PRKN: variants seen among roughly 807,000 people sequenced by gnomAD.
PRKN encodes parkin RBR E3 ubiquitin protein ligase, also known as E3 ubiquitin-protein ligase parkin.
Under a neutral mutation model 59.5 loss-of-function variants are expected in PRKN, and 56 were observed. The ratio of observed to expected loss-of-function variants is 0.94; its 90% confidence interval spans 0.76 to 1.18. The LOEUF (loss-of-function observed/expected upper bound fraction) is 1.18. Among genes scored for constraint, PRKN ranks in the 50% most tolerant of loss-of-function variants. The pLI is 0.00. For synonymous variants in PRKN, 250 were observed against 222.1 expected (o/e 1.13, Z -1.12); for missense variants, 657 against 596.4 (o/e 1.10, Z -1.06).
chr6:161,570,141 A>AT lies in PRKN; in HGVS notation c.872-726_872-725insA, dbSNP rs1226629765. Among the ~76,000 whole-genome samples, 185 of 134,348 alleles carry AT rather than the reference A, an allele frequency of 1.4e-3. 1 individual carries two copies. The highest frequency in any genetic ancestry group is 3.0e-3 in the African/African-American group (102 of 34,362). 88.1% of individuals were successfully genotyped at this position (134,348 alleles called of 152,430 possible). A position where few individuals can be genotyped will look rare whatever the true frequency, so the allele number is the denominator to read the frequency against. ...TAAATAGGTAAAAAAAAAAAAAAAAAAAAAAATATATATATATATATATAT... is the reference window on the plus strand; with the variant it reads ...TAAATAGGTAAAAAAAAAAAAAAAAATAAAAAATATATATATATATATATAT... On this transcript the variant is annotated intron_variant, in intron 7 of 11. Transcript: ENST00000366898.
At chr6:162,046,930 T>G (rs190944668) in intron 5 of PRKN, among the ~76,000 whole-genome samples, 2 of 152,178 alleles carry the variant, frequency 1.3e-5, no homozygotes, top group Admixed American at 1.3e-4. Context: ...AAATTTTTTG[T>G]TATCAAGTAT....
At chr6:161,802,790 C>T (rs563585230) in intron 6 of PRKN, among the ~76,000 whole-genome samples, 2 of 152,284 alleles carry the variant, frequency 1.3e-5, no homozygotes, top group African/African-American at 2.4e-5. Flanking sequence ...CCTCCCTGTT[C>T]CCCAGCCATT....
chr6:162,623,859 T>C (rs1782773756), intron 1 of PRKN, among the ~76,000 whole-genome samples: 1 of 152,106 alleles, frequency 6.6e-6, no homozygotes. Flanking sequence ...GTACAGTTGT[T>C]TTGCTTGAGA....
intron 4 of PRKN, among the ~76,000 whole-genome samples, chr6:162,068,573 G>A (rs1778436978): frequency 6.6e-6 from 1 of 152,148 alleles, no homozygotes; most frequent in African/African-American, 2.4e-5. Flanking sequence ...CAAGGGCCTC[G>A]GCTTTCTGCT....
At chr6:162,472,149 A>G (rs1011122874) in intron 1 of PRKN, among the ~76,000 whole-genome samples, 1 of 152,152 alleles carries the variant, frequency 6.6e-6, no homozygotes, top group African/African-American at 2.4e-5. Flanking sequence ...AAATACACCT[A>G]AAACTTGTTT....
intron 4 of PRKN, among the ~76,000 whole-genome samples, chr6:162,142,066 T>C (rs1250025743): frequency 1.3e-5 from 2 of 152,176 alleles, no homozygotes; most frequent in East Asian, 3.9e-4. Flanking sequence ...ATGCATAAGC[T>C]GCTTAAAAGA....
At chr6:162,165,874 C>CCCCTT (rs1485888353) in intron 4 of PRKN, among the ~76,000 whole-genome samples, 2 of 151,728 alleles carry the variant, frequency 1.3e-5, no homozygotes, top group Non-Finnish European at 2.9e-5. Context: ...CATGGTGAAA[C>CCCCTT]CCCTTCTCTA....
rs189007356 is a variant in PRKN, at chr6:162,386,684, G to T, written c.171+56626C>A. ...CTGTGAAATATGCGTGTACGTACGT[G>T]TGCACATATGTGCGTGTATGCATGT... On this transcript the variant is annotated intron_variant, in intron 2 of 11. Coordinates refer to ENST00000366898, the MANE Select transcript of PRKN (RefSeq NM_004562.3). Among the ~76,000 whole-genome samples the T allele has an allele frequency of 2.0e-5, 3 of 152,330 alleles. No individual in the cohort carries two copies. The East Asian group carries it at 5.8e-4, about 29-fold the overall frequency.
At chr6:161,855,481 C>T (rs544167744) in intron 6 of PRKN, among the ~76,000 whole-genome samples, 1 of 152,314 alleles carries the variant, frequency 6.6e-6, no homozygotes, top group South Asian at 2.1e-4. Context: ...TGCACACATA[C>T]ATAATCCACC....
At chr6:161,382,797 A>C (rs969114098) in intron 10 of PRKN, among the ~76,000 whole-genome samples, 3 of 152,216 alleles carry the variant, frequency 2.0e-5, no homozygotes, top group South Asian at 4.1e-4. Context: ...TTATTGCATT[A>C]ATCAAAAAAT....
At chr6:161,408,490 T>TC (rs1208355507) in intron 9 of PRKN, among the ~76,000 whole-genome samples, 3 of 151,684 alleles carry the variant, frequency 2.0e-5, no homozygotes, top group Non-Finnish European at 4.4e-5. Context: ...TCCTTTTTTT[T>TC]TTTTTTTTGG....
chr6:161,448,614 C>T lies in PRKN; in HGVS notation c.1084-61737G>A, dbSNP rs1789597357. On this transcript the variant is annotated intron_variant, in intron 9 of 11. Transcript: ENST00000366898. This position sits in a 1 kb window ranked among gnomAD's most constrained non-coding sequence, Gnocchi z 5.1. ...GAGGTAGCATCTATGCTGACGTTCC[C>T]GTATATCTTTTCCATCCAAATATTT... is the stretch of plus-strand genomic sequence containing the variant. Among the ~76,000 whole-genome samples the T allele has an allele frequency of 1.3e-5, 2 of 152,108 alleles. No homozygotes were observed. The highest frequency in any genetic ancestry group is 4.8e-5 in the African/African-American group (2 of 41,390).
chr6:161,513,415 T>C (rs1400831982), intron 9 of PRKN, among the ~76,000 whole-genome samples: 3 of 151,994 alleles, frequency 2.0e-5, no homozygotes, highest in Non-Finnish European at 4.4e-5. Flanking sequence ...TAATTTTTTT[T>C]ATTTTTAGTA....
At chr6:162,388,771 C>T (rs1334258260) in intron 2 of PRKN, among the ~76,000 whole-genome samples, 1 of 152,250 alleles carries the variant, frequency 6.6e-6, no homozygotes, top group Non-Finnish European at 1.5e-5. Flanking sequence ...CCAGGGGGCC[C>T]TTCTCTACTC....
At chr6:162,224,248 T>A (rs1778067942) in intron 3 of PRKN, among the ~76,000 whole-genome samples, 1 of 152,176 alleles carries the variant, frequency 6.6e-6, no homozygotes, top group Non-Finnish European at 1.5e-5. Flanking sequence ...CAGTGGTAGT[T>A]TTATAACATT....
chr6:161,618,295 T>C (rs1415693287), intron 7 of PRKN, among the ~76,000 whole-genome samples: 1 of 152,160 alleles, frequency 6.6e-6, no homozygotes, highest in Non-Finnish European at 1.5e-5. Flanking sequence ...ATCCTTTCCC[T>C]CTCCTGACCT....
intron 1 of PRKN, among the ~76,000 whole-genome samples, chr6:162,541,648 G>A (rs1778928849): frequency 6.6e-6 from 1 of 152,138 alleles, no homozygotes; most frequent in Non-Finnish European, 1.5e-5. Flanking sequence ...AGCATTCTCA[G>A]AAACACATTT....
intron 6 of PRKN, among the ~76,000 whole-genome samples, chr6:161,809,259 G>A (rs544899697): frequency 1.3e-5 from 2 of 151,058 alleles, no homozygotes; most frequent in Admixed American, 6.6e-5. Context: ...TCAAAGGCAG[G>A]GGGGGAAGGG....
intron 2 of PRKN, among the ~76,000 whole-genome samples, chr6:162,433,066 T>G (rs1789612603): frequency 6.6e-6 from 1 of 152,212 alleles, no homozygotes; most frequent in South Asian, 2.1e-4. Flanking sequence ...CTGTCCCCTT[T>G]TGCAATGTTT....
Sources: gnomAD v4.1 joint callset for allele counts (sites outside exome capture counted in the v4.1 genomes callset) on GRCh38, gnomAD v4.1.1 for gene constraint, Gnocchi (gnomAD v3.1) non-coding constraint, MANE v1.5 for transcripts, NCBI Gene and HGNC (gene_info 2026-07-23, HGNC 2026-07-21) for gene names.